The following XKR4 variants were observed in gnomAD, a reference collection of about 807,000 sequenced individuals.
XKR4 encodes the protein XK-related protein 4.
A neutral mutation model predicts 53.9 loss-of-function variants in XKR4; 12 were observed. That is an observed-to-expected ratio of 0.22 (90% CI 0.14 to 0.36). XKR4 has a LOEUF of 0.36. Ranked by LOEUF, XKR4 falls within the 10% of genes least tolerant of loss-of-function variation. The probability of loss-of-function intolerance (pLI) is 1.00; values close to 1 mark genes in which losing one functional copy is unlikely to be tolerated. For synonymous variants in XKR4, 354 were observed against 362.4 expected, an observed-to-expected ratio of 0.98 and a Z score of 0.26; for missense variants, 799 against 859.5, an observed-to-expected ratio of 0.93 and a Z score of 0.88.
rs575965233 is a variant in XKR4 at position 55,159,674 on chromosome 8, G to A, written c.806+56380G>A. On this transcript the variant is annotated intron_variant, in intron 1 of 2. Transcript: ENST00000327381. ...CAAATGACCCTATAAAACAATTTTCGTGCCAACCTGAACATCAAAAAAAGG... is the reference window on the plus strand; with the variant it reads ...CAAATGACCCTATAAAACAATTTTCATGCCAACCTGAACATCAAAAAAAGG... 2.4e-4 allele frequency among the ~76,000 whole-genome samples: 36 copies of A among 152,250 alleles called. 1 individual carries two copies. In the South Asian group the frequency reaches 5.2e-3, roughly 22 times the overall value.
intron 2 of XKR4, among the ~76,000 whole-genome samples, chr8:55,458,170 A>G (rs1805598662): frequency 6.6e-6 from 1 of 152,270 alleles, no homozygotes; most frequent in South Asian, 2.1e-4. Context: ...TACTTAGAAT[A>G]GCCTAAACAG....
chr8:55,475,335 T>A (rs939556314), intron 2 of XKR4, among the ~76,000 whole-genome samples: 25 of 152,012 alleles, frequency 1.6e-4, no homozygotes, highest in African/African-American at 6.1e-4. Context: ...TGCCTGAAAA[T>A]GTGGATTGTC....
chr8:55,341,317 G>A (rs1006266524), intron 1 of XKR4, among the ~76,000 whole-genome samples: 1 of 152,120 alleles, frequency 6.6e-6, no homozygotes, highest in Non-Finnish European at 1.5e-5. Flanking sequence ...TGGGCAGCAG[G>A]GGTATTGATG....
At chr8:55,516,995 A>C (rs950320064) in intron 2 of XKR4, among the ~76,000 whole-genome samples, 2 of 152,210 alleles carry the variant, frequency 1.3e-5, no homozygotes, top group Non-Finnish European at 2.9e-5. Context: ...TGGAACTGGG[A>C]GCCACTATCC....
rs1462374199 is a variant in XKR4, at chr8:55,285,113, T to C, written c.807-72565T>C. Among the ~76,000 whole-genome samples the C allele has an allele frequency of 2.0e-5, 3 of 152,242 alleles. No homozygotes were observed. The South Asian group carries it at 6.2e-4, about 32-fold the overall frequency. ...AGAGTAGAAGCCCAAGATCTTACAATGGTTTGTAAGGGCTTTACTACTTGC... is the reference window on the plus strand; with the variant it reads ...AGAGTAGAAGCCCAAGATCTTACAACGGTTTGTAAGGGCTTTACTACTTGC... On this transcript the variant is annotated intron_variant, in intron 1 of 2. Coordinates refer to ENST00000327381, the MANE Select transcript of XKR4 (RefSeq NM_052898.2).
At chr8:55,187,238 C>A (rs1283114124) in intron 1 of XKR4, among the ~76,000 whole-genome samples, 1 of 147,990 alleles carries the variant, frequency 6.8e-6, no homozygotes, top group Admixed American at 6.8e-5. Flanking sequence ...AGGCACCACA[C>A]TCCAGTGTTA....
intron 1 of XKR4, among the ~76,000 whole-genome samples, chr8:55,137,572 CTTTTTTTTTT>C (rs369443865): frequency 7.6e-6 from 1 of 130,794 alleles, no homozygotes; most frequent in Non-Finnish European, 1.7e-5. Flanking sequence ...CAGAAGAGAA[CTTTTTTTTTT>C]TTTTTTTTTT....
intron 1 of XKR4, among the ~76,000 whole-genome samples, chr8:55,267,450 A>G (rs1273194702): frequency 6.6e-6 from 1 of 152,152 alleles, no homozygotes; most frequent in Non-Finnish European, 1.5e-5. Context: ...AACTTAAATG[A>G]CTGTCTCAAG....
intron 2 of XKR4, among the ~76,000 whole-genome samples, chr8:55,457,470 G>A (rs1805588058): frequency 6.6e-6 from 1 of 152,060 alleles, no homozygotes; most frequent in African/African-American, 2.4e-5. Flanking sequence ...TGTCAACCAA[G>A]AATTCTGTGT....
chr8:55,373,855 T>A (rs1263495319), intron 2 of XKR4, among the ~76,000 whole-genome samples: 1 of 152,208 alleles, frequency 6.6e-6, no homozygotes, highest in Non-Finnish European at 1.5e-5. Context: ...GATCTCTCTT[T>A]CAAATTCAGT....
intron 2 of XKR4, among the ~76,000 whole-genome samples, chr8:55,377,926 T>C (rs2622555): frequency 0.22 from 33,221 of 152,198 alleles, 4,964 homozygotes; most frequent in African/African-American, 0.43. Context: ...CTAACACTCA[T>C]AAAGAGAATT....
chr8:55,255,935 C>T (rs1818433471), intron 1 of XKR4, among the ~76,000 whole-genome samples: 1 of 151,216 alleles, frequency 6.6e-6, no homozygotes, highest in Non-Finnish European at 1.5e-5. Context: ...GTACAAGAGA[C>T]ACATCGTCCA....
intron 1 of XKR4, among the ~76,000 whole-genome samples, chr8:55,123,739 C>T (rs538671808): frequency 6.6e-6 from 1 of 152,228 alleles, no homozygotes; most frequent in African/African-American, 2.4e-5. Context: ...GTGTGTGTGT[C>T]CCACAGGGGA....
intron 1 of XKR4, among the ~76,000 whole-genome samples, chr8:55,229,868 CTTTTTTTT>C (rs5891563): frequency 4.4e-4 from 62 of 140,338 alleles, no homozygotes; most frequent in African/African-American, 1.5e-3. Context: ...AGTTAATTAG[CTTTTTTTT>C]TTTTTTTTTC....
At chr8:55,478,862 T>C (rs371608115) in intron 2 of XKR4, among the ~76,000 whole-genome samples, 1 of 152,200 alleles carries the variant, frequency 6.6e-6, no homozygotes, top group Non-Finnish European at 1.5e-5. Flanking sequence ...ATCCTAAATA[T>C]ATATGCACCC....
intron 1 of XKR4, among the ~76,000 whole-genome samples, chr8:55,324,788 A>G (rs190937840): frequency 3.1e-4 from 47 of 152,360 alleles, no homozygotes; most frequent in Non-Finnish European, 6.3e-4. Flanking sequence ...ATAGATATTA[A>G]GAGTCAGCAC....
rs552256513 is a variant in XKR4 at position 55,474,993 on chromosome 8, G to A, written c.1007-48288G>A. 2.6e-5 allele frequency among the ~76,000 whole-genome samples: 4 copies of A among 152,260 alleles called. No homozygotes were observed. The South Asian group carries it at 8.3e-4, about 32-fold the overall frequency. Reference sequence around the variant, plus strand: ...AAGTCATTCGCTCTGTCTTCAAGGAGTTTAAATCCTGTTGGAGAGACAAAA... The same window carrying A: ...AAGTCATTCGCTCTGTCTTCAAGGAATTTAAATCCTGTTGGAGAGACAAAA... On this transcript the variant is annotated intron_variant, in intron 2 of 2. Coordinates refer to ENST00000327381, the MANE Select transcript of XKR4 (RefSeq NM_052898.2).
intron 2 of XKR4, chr8:55,449,586 A>G: frequency 1.5e-6 from 2 of 1,301,092 alleles, no homozygotes; most frequent in South Asian, 2.4e-5. Flanking sequence ...CAAAAGTCGT[A>G]AACGCGAGGA....
chr8:55,296,906 G>A (rs1277904293), intron 1 of XKR4, among the ~76,000 whole-genome samples: 1 of 151,968 alleles, frequency 6.6e-6, no homozygotes, highest in Non-Finnish European at 1.5e-5. Flanking sequence ...AAAGAATAAG[G>A]GCCATCAGTT....
Sources: allele counts gnomAD v4.1 joint callset (sites outside exome capture counted in the v4.1 genomes callset), GRCh38; gene constraint gnomAD v4.1.1; transcripts MANE v1.5; gene names NCBI Gene and HGNC (gene_info 2026-07-23, HGNC 2026-07-21).